Variants in TBCD observed in about 807,000 individuals in gnomAD.
TBCD encodes tubulin folding cofactor D.
Under a neutral mutation model 169.3 loss-of-function variants are expected in TBCD, and 105 were observed. The ratio of observed to expected loss-of-function variants is 0.62; its 90% CI spans 0.53 to 0.73. TBCD has a LOEUF of 0.73. Among genes scored for constraint, TBCD ranks in the 30% least tolerant of loss-of-function variants. The probability of loss-of-function intolerance (pLI) is 0.00; values close to 1 mark genes in which losing one functional copy is unlikely to be tolerated. For missense variants in TBCD, 1,444 were observed against 1,600.1 expected, an observed-to-expected ratio of 0.90 and a Z score of 1.66; for synonymous variants, 700 against 643.9, an observed-to-expected ratio of 1.09 and a Z score of -1.32.
chr17:82,858,511 G>A, intron 13 of TBCD: 1 of 945,612 alleles, frequency 1.1e-6, no homozygotes, highest in African/African-American at 1.8e-5. Context: ...AGGTACTACG[G>A]CTGGAGGATC....
At chr17:82,928,042 G>A in intron 30 of TBCD, 54 bp downstream of exon 30, 2 of 1,552,222 alleles carry the variant, frequency 1.3e-6, no homozygotes, top group Non-Finnish European at 1.8e-6. Flanking sequence ...CCGAGCTTGG[G>A]GAGGCTGGCG....
intron 6 of TBCD, 64 bp downstream of exon 6, chr17:82,772,571 T>A: frequency 6.4e-7 from 1 of 1,555,626 alleles, no homozygotes; most frequent in Admixed American, 1.7e-5. Flanking sequence ...TTTGTTTGGG[T>A]ACGTGTTTCA....
intron 13 of TBCD, chr17:82,839,033 G>A (rs2054230365): frequency 1.1e-6 from 1 of 944,648 alleles, no homozygotes; most frequent in South Asian, 4.9e-5. Context: ...TTGTATCTGT[G>A]TCTATATGTA....
Position 82,832,519 on chromosome 17 carries a change from C to A in TBCD, c.1318+17585C>A. The A allele has an allele frequency of 6.9e-7, 1 of 1,458,604 alleles. No homozygotes were observed. The highest frequency in any genetic ancestry group is 1.7e-4 in the Middle Eastern group (1 of 5,758). 90.4% of individuals were successfully genotyped at this position (1,458,604 alleles called of 1,614,324 possible). A position where few individuals can be genotyped will look rare whatever the true frequency, so the allele number is the denominator to read the frequency against. On this transcript the variant is annotated intron_variant, in intron 13 of 38. Transcript: ENST00000355528. The surrounding 1 kb of genome is among the most constrained non-coding windows in gnomAD (Gnocchi z 4.9). ...GTGATCACTGTCGACGCCGCGTGCACTTCGTGGTTTCTAAAGAGGCACCTC... is the reference window on the plus strand; with the variant it reads ...GTGATCACTGTCGACGCCGCGTGCAATTCGTGGTTTCTAAAGAGGCACCTC...
At chr17:82,932,842 C>A in intron 34 of TBCD, 107 bp downstream of exon 34, 2 of 1,129,960 alleles carry the variant, frequency 1.8e-6, no homozygotes, top group South Asian at 2.7e-5. Flanking sequence ...AAATGATCTT[C>A]CAGTGCGTTC....
chr17:82,760,231 T>C (rs1467532174), intron 2 of TBCD, among the ~76,000 whole-genome samples: 1 of 152,202 alleles, frequency 6.6e-6, no homozygotes, highest in Non-Finnish European at 1.5e-5. Context: ...CCTCTTATTT[T>C]CTTGATGGTT....
intron 13 of TBCD, among the ~76,000 whole-genome samples, chr17:82,820,001 CAG>C (rs1248464073): frequency 4.7e-5 from 7 of 148,718 alleles, no homozygotes; most frequent in Non-Finnish European, 7.4e-5. Context: ...TTTTTTGAGA[CAG>C]AGTCTTGCTC....
rs745522578 is a variant in TBCD at position 82,807,700 on chromosome 17, G to C, written c.1148+32G>C. ...GTCTGTGGCCGCAGAAGCACCCCGG[G>C]GGGTGGGCCGGCCTCTCCTGTGCGA... On this transcript the variant is annotated intron_variant, in intron 11 of 38. Coordinates refer to ENST00000355528, the MANE Select transcript of TBCD (RefSeq NM_005993.5). The C allele has an allele frequency of 6.1e-5, 87 of 1,426,612 alleles. No individual in the cohort carries two copies. The East Asian group carries it at 2.1e-3, about 35-fold the overall frequency. The allele number at this position is 1,426,612 out of a possible 1,614,324, so 88.4% of individuals were successfully genotyped here.
chr17:82,819,394 A>G (rs1164296059), intron 13 of TBCD, among the ~76,000 whole-genome samples: 1 of 152,130 alleles, frequency 6.6e-6, no homozygotes, highest in Non-Finnish European at 1.5e-5. Context: ...CATACAGTGC[A>G]CACACACACA....
intron 13 of TBCD, chr17:82,830,592 A>G (rs1313251817): frequency 1.2e-6 from 2 of 1,614,012 alleles, no homozygotes; most frequent in Non-Finnish European, 1.7e-6. Context: ...CAGGTTCTGC[A>G]GCTCGTGGTC....
Position 82,779,966 on chromosome 17 carries a change from C to T in TBCD, c.639-1623C>T, listed in dbSNP as rs573186996. On this transcript the variant is annotated intron_variant, in intron 6 of 38. Coordinates refer to ENST00000355528, the MANE Select transcript of TBCD (RefSeq NM_005993.5). ...TGGCTGTTGAGGGAGCGCCTGGTGC[C>T]TCCCTCCTGGCATCACTGCCGTCTC... Among the ~76,000 whole-genome samples the T allele has an allele frequency of 1.9e-4, 29 of 152,286 alleles. No individual in the cohort carries two copies. The Middle Eastern group carries it at 0.01, about 54-fold the overall frequency.
rs1334455219 is a variant in TBCD at position 82,945,428 on chromosome 17, TAAG to T, written c.*2969_*2971del. ...CTGCCACAGTGAAACTGCAGAACTG[TAAG>T]AAGGACAGAGTGATATAAACGACTA... On this transcript the variant is annotated 3_prime_UTR_variant, in exon 39 of 39. Coordinates refer to ENST00000355528, the MANE Select transcript of TBCD (RefSeq NM_005993.5). 1 of 152,172 alleles carries T rather than the reference TAAG, an allele frequency of 6.6e-6. No homozygotes were observed. Among genetic ancestry groups the T allele is most frequent in the Non-Finnish European group, 1.5e-5 (1 of 68,040 alleles). 9.4% of individuals were successfully genotyped at this position (152,172 alleles called of 1,614,324 possible).
chr17:82,860,625 A>G (rs111684354), intron 13 of TBCD, among the ~76,000 whole-genome samples: 13 of 152,310 alleles, frequency 8.5e-5, no homozygotes, highest in African/African-American at 3.1e-4. Context: ...AGCAGACGCC[A>G]CTGGCTTTGA....
Position 82,860,051 on chromosome 17 carries a change from C to T in TBCD, c.1319-10173C>T, listed in dbSNP as rs144369568. On this transcript the variant is annotated intron_variant, in intron 13 of 38. Coordinates refer to ENST00000355528, the MANE Select transcript of TBCD (RefSeq NM_005993.5). ...TTCTGAAGTGCCTGTGCCAGGGACA[C>T]TGTCTTGGGGCCAGTGGAGGTCTGA... 5.9e-5 allele frequency among the ~76,000 whole-genome samples: 9 copies of T among 152,342 alleles called. No individual in the cohort carries two copies. In the South Asian group the frequency reaches 1.2e-3, roughly 21 times the overall value.
At chr17:82,838,008 C>A (rs79670334) in intron 13 of TBCD, among the ~76,000 whole-genome samples, 2,075 of 152,328 alleles carry the variant, frequency 0.014, 60 homozygotes, top group African/African-American at 0.047. Context: ...CTGTGCCTTT[C>A]TAAATATTTT....
In TBCD at chr17:82,805,992, G is replaced by A; in HGVS notation, c.1068G>A (p.Glu356=). Residue 356 remains glutamate, a synonymous_variant, in exon 10 of 39, where the codon GAG becomes GAA. Coordinates refer to ENST00000355528, the MANE Select transcript of TBCD (RefSeq NM_005993.5). ...ACGACGAAGATGACGACGTCCCAGA[G>A]GGGGTGGAGCGTGTGATAGGTGCGT... ...EDDDEDDDVP[E]GVERVIEQLL... 6.2e-7 allele frequency: 1 copy of A among 1,613,758 alleles called. No individual in the cohort carries two copies. Among genetic ancestry groups the A allele is most frequent in the South Asian group, 1.1e-5 (1 of 91,066 alleles).
At chr17:82,797,484 C>G (rs998281463) in intron 7 of TBCD, among the ~76,000 whole-genome samples, 1 of 152,054 alleles carries the variant, frequency 6.6e-6, no homozygotes, top group Non-Finnish European at 1.5e-5. Context: ...TTTGTGATGC[C>G]ATTGATGAGG....
At chr17:82,770,359 G>C (rs1174165730) in intron 5 of TBCD, among the ~76,000 whole-genome samples, 1 of 152,140 alleles carries the variant, frequency 6.6e-6, no homozygotes, top group African/African-American at 2.4e-5. Context: ...CAGCACTCTG[G>C]GAGGCCAAGG....
rs114109882 is a variant in TBCD, at chr17:82,762,932, C to T, written c.236-1033C>T. Among the ~76,000 whole-genome samples the T allele has an allele frequency of 7.2e-3, 1,092 of 152,240 alleles. 16 individuals carry two copies. Among genetic ancestry groups the T allele is most frequent in the African/African-American group, 0.024 (986 of 41,538 alleles). On this transcript the variant is annotated intron_variant, in intron 2 of 38. Transcript: ENST00000355528. ...TCGTTGTGTCCTTCTCTGCGTTTCC[C>T]GGATGCCAGTTGCAGTTGTTTTCCA...
Sources: gnomAD v4.1 joint callset for allele counts (sites outside exome capture counted in the v4.1 genomes callset) on GRCh38, gnomAD v4.1.1 for gene constraint, Gnocchi (gnomAD v3.1) non-coding constraint, MANE v1.5 for transcripts, NCBI Gene and HGNC (gene_info 2026-07-23, HGNC 2026-07-21) for gene names.